Variants in CNTLN observed in about 807,000 individuals in gnomAD.
CNTLN encodes centlein.
In CNTLN, 212 loss-of-function variants were observed where a neutral mutation model predicts 180.0. That is an observed-to-expected ratio of 1.18 (90% CI 1.05 to 1.32). The LOEUF (loss-of-function observed/expected upper bound fraction) is 1.32, where lower values mean the gene tolerates loss of function less well. Ranked by LOEUF, CNTLN falls within the 40% of genes most tolerant of loss-of-function variation. The probability of loss-of-function intolerance (pLI) is 0.00; values close to 1 mark genes in which losing one functional copy is unlikely to be tolerated. For missense variants in CNTLN, 2,095 were observed against 1,610.9 expected, an observed-to-expected ratio of 1.30 and a Z score of -5.14; for synonymous variants, 722 against 563.1, an observed-to-expected ratio of 1.28 and a Z score of -3.99.
intron 15 of CNTLN, among the ~76,000 whole-genome samples, chr9:17,408,629 A>G (rs902832264): frequency 1.3e-5 from 2 of 151,788 alleles, no homozygotes; most frequent in African/African-American, 4.8e-5. Flanking sequence ...GTGAAACCCT[A>G]TCTCTACTAA....
chr9:17,390,539 C>A (rs190094860), intron 14 of CNTLN, among the ~76,000 whole-genome samples: 1 of 152,032 alleles, frequency 6.6e-6, no homozygotes, highest in Non-Finnish European at 1.5e-5. Context: ...CCACTGCACC[C>A]GGCCTGAAAA....
At chr9:17,291,734 G>A (rs1348539929) in intron 6 of CNTLN, among the ~76,000 whole-genome samples, 6 of 152,112 alleles carry the variant, frequency 3.9e-5, no homozygotes, top group Non-Finnish European at 5.9e-5. Context: ...AATCCAGCAC[G>A]TTGATGAGTC....
chr9:17,224,684 T>C (rs1824352145), intron 2 of CNTLN, among the ~76,000 whole-genome samples: 1 of 152,056 alleles, frequency 6.6e-6, no homozygotes, highest in South Asian at 2.1e-4. Context: ...TTTTTTATCT[T>C]CAAGATTTTA....
At chr9:17,275,637 A>C (rs754063826) in intron 6 of CNTLN, among the ~76,000 whole-genome samples, 1 of 152,156 alleles carries the variant, frequency 6.6e-6, no homozygotes, top group Non-Finnish European at 1.5e-5. Context: ...TCTAGGATAC[A>C]GTGCAGTGTT....
intron 2 of CNTLN, among the ~76,000 whole-genome samples, chr9:17,185,617 A>G (rs1001777365): frequency 6.6e-6 from 1 of 152,258 alleles, no homozygotes; most frequent in Non-Finnish European, 1.5e-5. Context: ...GGGATCTACT[A>G]TAAGGGTTCC....
chr9:17,276,535 A>C lies in CNTLN; in HGVS notation c.983+2669A>C, dbSNP rs1026158011. Among the ~76,000 whole-genome samples, 3 of 152,030 alleles carry C rather than the reference A, an allele frequency of 2.0e-5. No individual in the cohort carries two copies. In the South Asian group the frequency reaches 6.2e-4, roughly 32 times the overall value. On this transcript the variant is annotated intron_variant, in intron 6 of 25. Coordinates refer to ENST00000380647, the MANE Select transcript of CNTLN (RefSeq NM_017738.4). ...GTTCATAGTCATTTATATTTTATTG[A>C]ATATTTGATCCATGTCACCCATTGT...
At chr9:17,267,200 T>G (rs1390313061) in intron 5 of CNTLN, among the ~76,000 whole-genome samples, 5 of 152,156 alleles carry the variant, frequency 3.3e-5, no homozygotes, top group Admixed American at 6.6e-5. Context: ...CCATGTTTAG[T>G]GCTTCCTTCA....
At chr9:17,483,242 T>C (rs1292451322) in intron 23 of CNTLN, among the ~76,000 whole-genome samples, 1 of 152,150 alleles carries the variant, frequency 6.6e-6, no homozygotes, top group Non-Finnish European at 1.5e-5. Context: ...TTGTTTATAA[T>C]GAGAGAAATG....
At chr9:17,332,277 C>T (rs930074944) in intron 9 of CNTLN, among the ~76,000 whole-genome samples, 5 of 152,004 alleles carry the variant, frequency 3.3e-5, no homozygotes, top group African/African-American at 4.8e-5. Flanking sequence ...CCTTATAGAG[C>T]AATTAGACCA....
Position 17,419,113 on chromosome 9 carries a change from TTTTG to T in CNTLN, c.3114+2940_3114+2943del, listed in dbSNP as rs775558074. ...AGCTGTCATCACTTTAACTGTATTTTTTTGTTTGTTTGTTTGTTTTTTTTACATT... is the reference window on the plus strand; with the variant it reads ...AGCTGTCATCACTTTAACTGTATTTTTTTGTTTGTTTGTTTTTTTTACATT... On this transcript the variant is annotated intron_variant, in intron 18 of 25. Coordinates refer to ENST00000380647, the MANE Select transcript of CNTLN (RefSeq NM_017738.4). 3.4e-4 allele frequency among the ~76,000 whole-genome samples: 52 copies of T among 152,202 alleles called. 1 individual carries two copies. The highest frequency in any genetic ancestry group is 6.8e-3 in the Middle Eastern group (2 of 292).
At chr9:17,251,952 G>A (rs1018543017) in intron 5 of CNTLN, among the ~76,000 whole-genome samples, 9 of 151,642 alleles carry the variant, frequency 5.9e-5, no homozygotes, top group Admixed American at 1.3e-4. Flanking sequence ...CACGAGATAA[G>A]GTTTTTAGCT....
chr9:17,478,454 G>A (rs1473576858), intron 23 of CNTLN, among the ~76,000 whole-genome samples: 4 of 151,462 alleles, frequency 2.6e-5, no homozygotes, highest in African/African-American at 9.7e-5. Flanking sequence ...TGCTTTTGAT[G>A]TCATTTCTAA....
At chr9:17,202,286 G>A (rs114696203) in intron 2 of CNTLN, among the ~76,000 whole-genome samples, 3,127 of 152,260 alleles carry the variant, frequency 0.021, 64 homozygotes, top group African/African-American at 0.056. Context: ...AATGTAATGT[G>A]GTGCTGAGAA....
chr9:17,172,549 C>T (rs181765950), intron 2 of CNTLN, among the ~76,000 whole-genome samples: 4 of 152,036 alleles, frequency 2.6e-5, no homozygotes, highest in Admixed American at 6.6e-5. Flanking sequence ...GGGAGGAAGA[C>T]GAAGGCTGGT....
intron 5 of CNTLN, among the ~76,000 whole-genome samples, chr9:17,268,776 C>A (rs1381236533): frequency 6.6e-6 from 1 of 151,936 alleles, no homozygotes; most frequent in Admixed American, 6.6e-5. Flanking sequence ...TGCCACCTTG[C>A]AGTTTGGTCT....
chr9:17,263,514 T>C (rs978994050), intron 5 of CNTLN, among the ~76,000 whole-genome samples: 1 of 151,720 alleles, frequency 6.6e-6, no homozygotes, highest in East Asian at 1.9e-4. Flanking sequence ...TGTGTGCATG[T>C]GTCTTTATAG....
At chr9:17,448,720 A>T (rs1228415963) in intron 18 of CNTLN, among the ~76,000 whole-genome samples, 1 of 152,018 alleles carries the variant, frequency 6.6e-6, no homozygotes, top group Non-Finnish European at 1.5e-5. Flanking sequence ...TGGTTCTTTG[A>T]GTGGACATTC....
intron 8 of CNTLN, among the ~76,000 whole-genome samples, chr9:17,326,395 C>T (rs967999120): frequency 2.6e-5 from 4 of 151,730 alleles, no homozygotes; most frequent in Admixed American, 2.0e-4. Flanking sequence ...GAATGAACTT[C>T]CACAGAGAGG....
intron 19 of CNTLN, among the ~76,000 whole-genome samples, chr9:17,459,492 T>C (rs945578778): frequency 4.0e-5 from 6 of 151,864 alleles, no homozygotes; most frequent in African/African-American, 1.2e-4. Context: ...TGTTTTCACA[T>C]AGAAATTTCC....
Sources: gnomAD v4.1 joint callset for allele counts (sites outside exome capture counted in the v4.1 genomes callset) on GRCh38, gnomAD v4.1.1 for gene constraint, MANE v1.5 for transcripts, NCBI Gene and HGNC (gene_info 2026-07-23, HGNC 2026-07-21) for gene names.